The following TAFA5 variants were observed in gnomAD, a reference collection of about 807,000 sequenced individuals.
The protein encoded by TAFA5 is TAFA chemokine like family member 5.
Under a neutral mutation model 15.3 loss-of-function variants are expected in TAFA5, and 6 were observed. The ratio of observed to expected loss-of-function variants is 0.39; its 90% CI spans 0.21 to 0.77. The LOEUF is 0.77. Among genes scored for constraint, TAFA5 ranks in the 30% least tolerant of loss-of-function variants. The pLI is 0.41. For synonymous variants in TAFA5, 103 were observed against 80.7 expected, an observed-to-expected ratio of 1.28 and a Z score of -1.48; for missense variants, 161 against 193.1, an observed-to-expected ratio of 0.83 and a Z score of 0.98.
At chr22:48,728,768 G>C (rs1012806614) in intron 3 of TAFA5, among the ~76,000 whole-genome samples, 1 of 152,204 alleles carries the variant, frequency 6.6e-6, no homozygotes, top group Non-Finnish European at 1.5e-5. Context: ...AGCTGGTAAA[G>C]CTGAAAAGAA....
intron 3 of TAFA5, among the ~76,000 whole-genome samples, chr22:48,710,101 G>T (rs1292761165): frequency 6.6e-6 from 1 of 151,894 alleles, no homozygotes; most frequent in Non-Finnish European, 1.5e-5. Context: ...CACCCACCAG[G>T]CACCATCGGG....
At chr22:48,654,105 T>C (rs1046946689) in intron 2 of TAFA5, among the ~76,000 whole-genome samples, 1 of 152,054 alleles carries the variant, frequency 6.6e-6, no homozygotes, top group African/African-American at 2.4e-5. Flanking sequence ...TCCCGTCACG[T>C]TGGCGCCGCG....
intron 3 of TAFA5, among the ~76,000 whole-genome samples, chr22:48,722,903 GGAGT>G (rs1352172693): frequency 1.3e-5 from 2 of 152,202 alleles, no homozygotes; most frequent in Admixed American, 6.5e-5. Flanking sequence ...GGCTGTGCAA[GGAGT>G]GAGTGTGTGG....
chr22:48,734,947 G>A (rs1035041865), intron 3 of TAFA5, among the ~76,000 whole-genome samples: 2 of 152,220 alleles, frequency 1.3e-5, no homozygotes, highest in African/African-American at 4.8e-5. Context: ...AGATGACCAG[G>A]AGGAAGTGGA....
At chr22:48,531,272 G>C (rs1285065237) in intron 1 of TAFA5, among the ~76,000 whole-genome samples, 2 of 152,260 alleles carry the variant, frequency 1.3e-5, no homozygotes, top group African/African-American at 2.4e-5. Context: ...TCCTGCCCTG[G>C]CTCTGCCTCT....
intron 1 of TAFA5, among the ~76,000 whole-genome samples, chr22:48,593,402 G>T (rs1219675714): frequency 6.6e-6 from 1 of 152,154 alleles, no homozygotes; most frequent in Non-Finnish European, 1.5e-5. Context: ...ATGTGAAGGG[G>T]ACGTGTCTTT....
chr22:48,607,522 C>T (rs1386313340), intron 1 of TAFA5, among the ~76,000 whole-genome samples: 1 of 129,552 alleles, frequency 7.7e-6, no homozygotes, highest in African/African-American at 3.1e-5. Context: ...GGTACCTCAG[C>T]CTGGAGCAGG....
intron 3 of TAFA5, among the ~76,000 whole-genome samples, chr22:48,719,720 T>A (rs1040311644): frequency 2.0e-5 from 3 of 152,254 alleles, no homozygotes; most frequent in Admixed American, 6.5e-5. Flanking sequence ...TGAAAAATAC[T>A]AAGTCATTAC....
At chr22:48,554,738 A>C (rs923205713) in intron 1 of TAFA5, among the ~76,000 whole-genome samples, 7 of 152,240 alleles carry the variant, frequency 4.6e-5, no homozygotes, top group African/African-American at 1.7e-4. Context: ...AATATAATTT[A>C]AAAATTATGA....
intron 2 of TAFA5, among the ~76,000 whole-genome samples, chr22:48,653,284 CA>C (rs891076722): frequency 6.6e-5 from 10 of 152,214 alleles, no homozygotes; most frequent in Admixed American, 3.3e-4. Flanking sequence ...CCATGTCCCT[CA>C]GTTCTGAGCA....
chr22:48,648,194 G>A (rs1926932514), intron 2 of TAFA5, among the ~76,000 whole-genome samples: 4 of 152,124 alleles, frequency 2.6e-5, no homozygotes, highest in Admixed American at 2.0e-4. Flanking sequence ...GCAGGGACCT[G>A]TGGAGATGTG....
At chr22:48,492,468 T>C (rs762166196) in intron 1 of TAFA5, among the ~76,000 whole-genome samples, 1 of 152,206 alleles carries the variant, frequency 6.6e-6, no homozygotes, top group Non-Finnish European at 1.5e-5. Flanking sequence ...TGGTTTTCTG[T>C]TGGGGGGATT....
chr22:48,665,809 C>T (rs73889520), intron 2 of TAFA5, among the ~76,000 whole-genome samples: 36 of 152,192 alleles, frequency 2.4e-4, no homozygotes, highest in African/African-American at 7.9e-4. Flanking sequence ...TCCTATCTAG[C>T]GGCAGGCGCC....
intron 1 of TAFA5, among the ~76,000 whole-genome samples, chr22:48,629,886 G>A (rs542682125): frequency 5.1e-4 from 78 of 152,348 alleles, no homozygotes; most frequent in East Asian, 1.4e-3. Flanking sequence ...GTGTCCTCCC[G>A]GCAGAGGAGT....
intron 1 of TAFA5, among the ~76,000 whole-genome samples, chr22:48,636,861 A>C (rs1337829162): frequency 6.6e-6 from 1 of 152,218 alleles, no homozygotes; most frequent in East Asian, 1.9e-4. Context: ...GCTGTGCCCA[A>C]GGAGGACAGC....
At chr22:48,539,636 G>A (rs548417553) in intron 1 of TAFA5, among the ~76,000 whole-genome samples, 12 of 152,296 alleles carry the variant, frequency 7.9e-5, no homozygotes, top group Non-Finnish European at 1.6e-4. Context: ...CAGCCAGGTC[G>A]GTGCCACCCG....
chr22:48,684,326 G>A (rs1053091337), intron 2 of TAFA5, among the ~76,000 whole-genome samples: 1 of 152,112 alleles, frequency 6.6e-6, no homozygotes, highest in Non-Finnish European at 1.5e-5. Flanking sequence ...GCACTTGGAA[G>A]TAGGCAGAAT....
intron 1 of TAFA5, among the ~76,000 whole-genome samples, chr22:48,511,960 G>T (rs1011022899): frequency 3.3e-5 from 5 of 152,260 alleles, no homozygotes; most frequent in Non-Finnish European, 7.3e-5. Context: ...CCTCACCATT[G>T]CTAGGCTGAG....
chr22:48,586,929 G>A (rs898983019), intron 1 of TAFA5, among the ~76,000 whole-genome samples: 4 of 152,230 alleles, frequency 2.6e-5, no homozygotes, highest in East Asian at 1.9e-4. Context: ...TGTAGTGTGC[G>A]GGGCAGCCAA....
Sources: allele counts gnomAD v4.1 joint callset (sites outside exome capture counted in the v4.1 genomes callset), GRCh38; gene constraint gnomAD v4.1.1; transcripts MANE v1.5; gene names NCBI Gene and HGNC (gene_info 2026-07-23, HGNC 2026-07-21).